CDH7: variants seen among roughly 807,000 people sequenced by gnomAD.
The protein encoded by CDH7 is cadherin-7.
Under a neutral mutation model 71.8 loss-of-function variants are expected in CDH7, and 25 were observed. The observed-to-expected ratio is 0.35, with a 90% CI of 0.25 to 0.49. The LOEUF is 0.49. CDH7 is among the 20% of genes least tolerant of loss of function. The pLI is 0.99. For synonymous variants in CDH7, 381 were observed against 363.8 expected, an observed-to-expected ratio of 1.05 and a Z score of -0.54; for missense variants, 862 against 974.6, an observed-to-expected ratio of 0.88 and a Z score of 1.54.
At chr18:65,764,123 A>G (rs1445212066) in intron 2 of CDH7, among the ~76,000 whole-genome samples, 1 of 152,110 alleles carries the variant, frequency 6.6e-6, no homozygotes, top group African/African-American at 2.4e-5. Context: ...ACTTTAAAAG[A>G]TAGAGGAATA....
rs889831973 is a variant in CDH7, at chr18:65,882,689, A to C, written c.*1795A>C. The stretch of plus-strand genomic sequence containing the variant: ...TAGACATTGTTTTATGACTATATAG[A>C]TATGCTTCTTGCTGTATTAATATGC... On this transcript the variant is annotated 3_prime_UTR_variant, in exon 12 of 12. Transcript: ENST00000397968. 4 of 152,070 alleles carry C rather than the reference A, an allele frequency of 2.6e-5. No homozygotes were observed. Among genetic ancestry groups the C allele is most frequent in the African/African-American group, 9.7e-5 (4 of 41,426 alleles). 9.4% of individuals were successfully genotyped at this position (152,070 alleles called of 1,614,324 possible).
intron 6 of CDH7, among the ~76,000 whole-genome samples, chr18:65,829,784 G>GTGTA (rs1456733544): frequency 7.0e-6 from 1 of 143,546 alleles, no homozygotes; most frequent in Non-Finnish European, 1.6e-5. Flanking sequence ...GAGTGTGTGT[G>GTGTA]TGTGTGTGTG....
chr18:65,828,305 A>G (rs1452208634), intron 6 of CDH7, among the ~76,000 whole-genome samples: 2 of 152,160 alleles, frequency 1.3e-5, no homozygotes, highest in Non-Finnish European at 1.5e-5. Flanking sequence ...CTTACTAATT[A>G]CGAAGGTTTT....
chr18:65,765,050 T>C (rs1202875288), intron 2 of CDH7, among the ~76,000 whole-genome samples: 1 of 152,102 alleles, frequency 6.6e-6, no homozygotes, highest in Non-Finnish European at 1.5e-5. Flanking sequence ...TTCCAACTAA[T>C]CAAAGAAGGT....
intron 3 of CDH7, among the ~76,000 whole-genome samples, chr18:65,813,541 T>C (rs1911617610): frequency 6.6e-6 from 1 of 152,062 alleles, no homozygotes; most frequent in African/African-American, 2.4e-5. Flanking sequence ...AATCTAAAAA[T>C]ATGTTAGCTT....
rs1555688432 is a variant in CDH7, at chr18:65,844,174, G to GATATATATATAT, written c.1235+112_1235+123dup. 264 of 227,858 alleles carry GATATATATATAT rather than the reference G, an allele frequency of 1.2e-3. 22 individuals are homozygous for GATATATATATAT. Among genetic ancestry groups the GATATATATATAT allele is most frequent in the Admixed American group, 1.8e-3 (32 of 17,430 alleles). The allele number at this position is 227,858 out of a possible 1,614,324, so 14.1% of individuals were successfully genotyped here. ...CTTTGTTCATAACAAATAAAAACCA[G>GATATATATATAT]ATATATATATATATCGAGTTATAAC... is the stretch of plus-strand genomic sequence containing the variant. On this transcript the variant is annotated intron_variant, in intron 7 of 11. Transcript: ENST00000397968.
chr18:65,782,083 C>T lies in CDH7; in HGVS notation c.210+19031C>T, dbSNP rs865965447. 8.8e-3 allele frequency among the ~76,000 whole-genome samples: 298 copies of T among 33,756 alleles called. 2 individuals are homozygous for T. The highest frequency in any genetic ancestry group is 0.026 in the Middle Eastern group (1 of 38). The allele number at this position is 33,756 out of a possible 152,430, so 22.1% of individuals were successfully genotyped here. A position where few individuals can be genotyped will look rare whatever the true frequency, so the allele number is the denominator to read the frequency against. ...CTTCCTTTCTTTCTTTCTTTCTTTC[C>T]TTCCTTCCTTCCTTCCTTCCTTCCT... On this transcript the variant is annotated intron_variant, in intron 2 of 11. Coordinates refer to ENST00000397968, the MANE Select transcript of CDH7 (RefSeq NM_004361.5).
chr18:65,860,706 A>G (rs950721842), intron 10 of CDH7, among the ~76,000 whole-genome samples: 3 of 152,180 alleles, frequency 2.0e-5, no homozygotes. Context: ...AAAAAAGTAC[A>G]GAATTGGATT....
chr18:65,824,780 T>A lies in CDH7; in HGVS notation c.930T>A (p.Phe310Leu). 1 of 1,612,582 alleles carries A rather than the reference T, an allele frequency of 6.2e-7. No homozygotes were observed. Among genetic ancestry groups the A allele is most frequent in the Non-Finnish European group, 8.5e-7 (1 of 1,178,860 alleles). The change falls in exon 6 of 12, where the codon TTT (phenylalanine) becomes TTA (leucine). Residue 310 changes from phenylalanine to leucine, a missense_variant. Physicochemically the swap from Phe to Leu is conservative, Grantham distance 22. Coordinates refer to ENST00000397968, the MANE Select transcript of CDH7 (RefSeq NM_004361.5). ...KIVDGDGLGI[F>L]KISVDKETQE... is the part of the protein sequence containing the mutation. ...TGGATGGTGATGGTTTGGGCATTTT[T>A]AAGATTTCTGTTGACAAAGAAACCC...
At chr18:65,754,937 A>AT (rs549441319) in intron 1 of CDH7, among the ~76,000 whole-genome samples, 103 of 152,086 alleles carry the variant, frequency 6.8e-4, no homozygotes, top group Non-Finnish European at 1.3e-3. Flanking sequence ...CTCACTCTTC[A>AT]TTTTTTTGTA....
chr18:65,856,495 G>A (rs1253873646), intron 7 of CDH7, among the ~76,000 whole-genome samples: 1 of 152,122 alleles, frequency 6.6e-6, no homozygotes, highest in African/African-American at 2.4e-5. Context: ...TAGAGAGTAA[G>A]ATGCTTGAAG....
chr18:65,784,587 A>C (rs1910445123), intron 2 of CDH7, among the ~76,000 whole-genome samples: 1 of 152,170 alleles, frequency 6.6e-6, no homozygotes, highest in African/African-American at 2.4e-5. Flanking sequence ...CATTAGGAGA[A>C]AAAGTCCTAG....
intron 2 of CDH7, among the ~76,000 whole-genome samples, chr18:65,780,918 GTTTTT>G (rs35645871): frequency 2.9e-5 from 3 of 104,840 alleles, no homozygotes; most frequent in African/African-American, 9.3e-5. Context: ...CTCTATTCCT[GTTTTT>G]TTTTTTTTTT....
chr18:65,768,626 T>C (rs1420527707), intron 2 of CDH7, among the ~76,000 whole-genome samples: 1 of 152,218 alleles, frequency 6.6e-6, no homozygotes, highest in African/African-American at 2.4e-5. Context: ...TGGACAAGCT[T>C]TATGTGCATT....
chr18:65,852,498 A>G (rs938970086), intron 7 of CDH7, among the ~76,000 whole-genome samples: 13 of 152,136 alleles, frequency 8.5e-5, no homozygotes, highest in Non-Finnish European at 1.6e-4. Flanking sequence ...CCGCTTATTT[A>G]CAATGTGGCT....
In CDH7 at chr18:65,798,090, G is replaced by T. The variant is rs545206522; in HGVS notation, c.211-11614G>T. Among the ~76,000 whole-genome samples, 4 of 152,256 alleles carry T rather than the reference G, an allele frequency of 2.6e-5. No individual in the cohort carries two copies. The East Asian group carries it at 7.7e-4, about 29-fold the overall frequency. On this transcript the variant is annotated intron_variant, in intron 2 of 11. Transcript: ENST00000397968. ...AGGAGGAGGGCATGCAAACTGGGTCGCTGGCTTCCCTGAGCTAAGGCAATT... is the reference window on the plus strand; with the variant it reads ...AGGAGGAGGGCATGCAAACTGGGTCTCTGGCTTCCCTGAGCTAAGGCAATT...
intron 3 of CDH7, among the ~76,000 whole-genome samples, chr18:65,813,284 A>T (rs1186817141): frequency 2.6e-5 from 4 of 152,232 alleles, no homozygotes; most frequent in African/African-American, 9.6e-5. Flanking sequence ...GTGAGCCAAG[A>T]TTGTGCCATT....
chr18:65,757,425 G>T (rs916938082), intron 1 of CDH7, among the ~76,000 whole-genome samples: 18 of 152,008 alleles, frequency 1.2e-4, no homozygotes, highest in African/African-American at 4.1e-4. Flanking sequence ...ATATTTTTCA[G>T]TGTTTTATTT....
intron 2 of CDH7, among the ~76,000 whole-genome samples, chr18:65,765,194 T>C (rs1025892670): frequency 6.6e-6 from 1 of 151,844 alleles, no homozygotes; most frequent in African/African-American, 2.4e-5. Context: ...TTGACTAAAA[T>C]ACAGAAAAAG....
Sources: gnomAD v4.1 joint callset for allele counts (sites outside exome capture counted in the v4.1 genomes callset) on GRCh38, gnomAD v4.1.1 for gene constraint, MANE v1.5 for transcripts, NCBI Gene and HGNC (gene_info 2026-07-23, HGNC 2026-07-21) for gene names.